Variants in AFF2 observed in about 807,000 individuals in gnomAD.
AFF2 encodes AF4/FMR2 family member 2.
Under a neutral mutation model 76.9 loss-of-function variants are expected in AFF2, and 14 were observed. The observed-to-expected ratio is 0.18, with a 90% CI of 0.12 to 0.28. AFF2 has a LOEUF of 0.28. Among genes scored for constraint, AFF2 ranks in the 10% least tolerant of loss-of-function variants. The probability of loss-of-function intolerance (pLI) is 1.00; values close to 1 mark genes in which losing one functional copy is unlikely to be tolerated. For missense variants in AFF2, 868 were observed against 1,001.1 expected, an observed-to-expected ratio of 0.87 and a Z score of 1.79; for synonymous variants, 398 against 366.7, an observed-to-expected ratio of 1.09 and a Z score of -0.98.
intron 3 of AFF2, among the ~76,000 whole-genome samples, chrX:148,804,068 T>C (rs1557271136): frequency 8.9e-6 from 1 of 111,999 alleles, no homozygotes; most frequent in African/African-American, 3.2e-5. Context: ...CTCAGAGTGC[T>C]GACACCCTTC....
intron 15 of AFF2, 51 bp from the exon 16 acceptor site, chrX:148,973,420 T>G: frequency 8.4e-7 from 1 of 1,195,198 alleles, no homozygotes; most frequent in Non-Finnish European, 1.1e-6. Context: ...CTCTTTTATA[T>G]GAAGGAGAAA....
intron 2 of AFF2, among the ~76,000 whole-genome samples, chrX:148,661,187 A>G (rs1156464049): frequency 8.0e-5 from 9 of 112,664 alleles, no homozygotes; most frequent in African/African-American, 2.9e-4. Flanking sequence ...TTAATCATTG[A>G]AAAGACACAG....
At chrX:148,582,623 T>C (rs1400407577) in intron 1 of AFF2, among the ~76,000 whole-genome samples, 1 of 111,855 alleles carries the variant, frequency 8.9e-6, no homozygotes, top group Non-Finnish European at 1.9e-5. Context: ...GAAATTGGAA[T>C]CTTCATTCAT....
intron 3 of AFF2, among the ~76,000 whole-genome samples, chrX:148,670,697 A>G (rs782378631): frequency 1.2e-4 from 13 of 111,686 alleles, no homozygotes; most frequent in Non-Finnish European, 2.4e-4. Flanking sequence ...TTCAAGCAGT[A>G]ATTTCTGAGC....
At chrX:148,897,580 G>T (rs2071309226) in intron 8 of AFF2, among the ~76,000 whole-genome samples, 1 of 108,361 alleles carries the variant, frequency 9.2e-6, no homozygotes, top group African/African-American at 3.3e-5. Flanking sequence ...TAATGATAAA[G>T]ATATTTTATC....
At chrX:148,639,942 A>C (rs972806789) in intron 1 of AFF2, among the ~76,000 whole-genome samples, 1 of 109,975 alleles carries the variant, frequency 9.1e-6, no homozygotes, top group African/African-American at 3.5e-5. Context: ...AAAGATAATG[A>C]TTCTAATGCA....
At chrX:148,844,967 TTG>T (rs2070647242) in intron 7 of AFF2, among the ~76,000 whole-genome samples, 1 of 111,823 alleles carries the variant, frequency 8.9e-6, no homozygotes, top group African/African-American at 3.3e-5. Flanking sequence ...AAAATCATCT[TTG>T]ATGCTGTATG....
In AFF2 at chrX:148,598,424, C is replaced by T. The variant is rs1180856695; in HGVS notation, c.48-53575C>T. 7.2e-5 allele frequency among the ~76,000 whole-genome samples: 8 copies of T among 111,541 alleles called. No homozygotes were observed. The East Asian group carries it at 2.3e-3, about 32-fold the overall frequency. ...AAAATAAAACCCAAACAAACAAAAACGAAGTAAAATGACCAATATCCTTCC... is the reference window on the plus strand; with the variant it reads ...AAAATAAAACCCAAACAAACAAAAATGAAGTAAAATGACCAATATCCTTCC... On this transcript the variant is annotated intron_variant, in intron 1 of 20. Transcript: ENST00000370460.
At chrX:148,738,168 T>G (rs914557656) in intron 3 of AFF2, among the ~76,000 whole-genome samples, 6 of 111,321 alleles carry the variant, frequency 5.4e-5, no homozygotes, top group Non-Finnish European at 1.1e-4. Context: ...TTCTCTATCT[T>G]GTGGAATAGT....
At chrX:148,785,715 C>A (rs782520449) in intron 3 of AFF2, among the ~76,000 whole-genome samples, 115 of 111,946 alleles carry the variant, frequency 1.0e-3, no homozygotes, top group African/African-American at 3.6e-3. Flanking sequence ...CATAAGAATA[C>A]CCTCCCTGCT....
chrX:148,525,364 G>C (rs2052647245), intron 1 of AFF2, among the ~76,000 whole-genome samples: 1 of 111,902 alleles, frequency 8.9e-6, no homozygotes, highest in Non-Finnish European at 1.9e-5. Flanking sequence ...TGATGTTACA[G>C]CTTATAAGAA....
chrX:148,549,071 T>C (rs2124282923), intron 1 of AFF2, among the ~76,000 whole-genome samples: 1 of 112,214 alleles, frequency 8.9e-6, no homozygotes, highest in South Asian at 3.7e-4. Flanking sequence ...AATCTAGGAA[T>C]CGGCCATTCT....
At chrX:148,595,451 G>A (rs1049477554) in intron 1 of AFF2, among the ~76,000 whole-genome samples, 5 of 112,169 alleles carry the variant, frequency 4.5e-5, no homozygotes, top group African/African-American at 1.3e-4. Flanking sequence ...AACCAGTTGA[G>A]GTTGAAGTAG....
At chrX:148,617,424 G>GT (rs1361167469) in intron 1 of AFF2, among the ~76,000 whole-genome samples, 6 of 111,586 alleles carry the variant, frequency 5.4e-5, no homozygotes, top group Middle Eastern at 4.6e-3. Flanking sequence ...GGGGTTGTTT[G>GT]TTTTTTTCTT....
chrX:148,988,033 T>G (rs2072494116), intron 20 of AFF2, among the ~76,000 whole-genome samples: 1 of 111,855 alleles, frequency 8.9e-6, no homozygotes, highest in Non-Finnish European at 1.9e-5. Flanking sequence ...GCTAGTACTT[T>G]TCACACACCG....
chrX:148,567,726 A>G (rs1557241871), intron 1 of AFF2, among the ~76,000 whole-genome samples: 1 of 111,349 alleles, frequency 9.0e-6, no homozygotes. Flanking sequence ...AATGAAGCTC[A>G]CTCTTATCTT....
intron 15 of AFF2, among the ~76,000 whole-genome samples, chrX:148,969,714 A>C (rs1278445008): frequency 9.0e-6 from 1 of 111,413 alleles, no homozygotes; most frequent in Admixed American, 9.6e-5. Context: ...TGGATGCAGA[A>C]CCCACGGATA....
intron 1 of AFF2, among the ~76,000 whole-genome samples, chrX:148,609,621 C>T (rs1481158531): frequency 8.9e-6 from 1 of 111,863 alleles, no homozygotes; most frequent in Non-Finnish European, 1.9e-5. Flanking sequence ...CTTGTAGAAG[C>T]AGAAATGCCA....
intron 3 of AFF2, among the ~76,000 whole-genome samples, chrX:148,685,054 C>T (rs1052044072): frequency 8.9e-6 from 1 of 111,775 alleles, no homozygotes; most frequent in East Asian, 2.8e-4. Context: ...GGCTGGATTC[C>T]GCAGTAGACA....
Sources: allele counts gnomAD v4.1 joint callset (sites outside exome capture counted in the v4.1 genomes callset), GRCh38; gene constraint gnomAD v4.1.1; transcripts MANE v1.5; gene names NCBI Gene and HGNC (gene_info 2026-07-23, HGNC 2026-07-21).